LRP1B: variants seen among roughly 807,000 people sequenced by gnomAD.
The protein encoded by LRP1B is LDL receptor related protein 1B, also known as low-density lipoprotein receptor-related protein 1B.
In LRP1B, 217 loss-of-function variants were observed where a neutral mutation model predicts 556.6. The ratio of observed to expected loss-of-function variants is 0.39; its 90% confidence interval spans 0.35 to 0.44. The LOEUF (loss-of-function observed/expected upper bound fraction) is 0.44, where lower values mean the gene tolerates loss of function less well. Among genes scored for constraint, LRP1B ranks in the 20% least tolerant of loss-of-function variants. The probability of loss-of-function intolerance (pLI) is 1.00; values close to 1 mark genes in which losing one functional copy is unlikely to be tolerated. For synonymous variants in LRP1B, 2,047 were observed against 1,865.8 expected (o/e 1.10, Z -2.50); for missense variants, 5,053 against 5,620.8 (o/e 0.90, Z 3.23).
chr2:141,848,396 G>T (rs1191322575), intron 1 of LRP1B, among the ~76,000 whole-genome samples: 1 of 151,262 alleles, frequency 6.6e-6, no homozygotes, highest in East Asian at 1.9e-4. Flanking sequence ...GACCATCTGG[G>T]CATGCTATAT....
chr2:141,260,834 T>C (rs1684655637), intron 3 of LRP1B, among the ~76,000 whole-genome samples: 6 of 152,316 alleles, frequency 3.9e-5, no homozygotes, highest in Admixed American at 3.3e-4. Context: ...TCCATATACA[T>C]AAATTATCTG....
At position 140,595,096 on chromosome 2, in the gene LRP1B, A is replaced by ATC. The variant is rs1558992070; in HGVS notation, c.7194+3534_7194+3535insGA. ...AATAAAATATAAATTGAATATATAT[A>ATC]TATATATATATATATATATATATAT... On this transcript the variant is annotated intron_variant, in intron 43 of 90. Transcript: ENST00000389484. Among the ~76,000 whole-genome samples, 375 of 46,188 alleles carry ATC rather than the reference A, an allele frequency of 8.1e-3. 6 individuals are homozygous for ATC. Among genetic ancestry groups the ATC allele is most frequent in the African/African-American group, 0.033 (322 of 9,664 alleles). The allele number at this position is 46,188 out of a possible 152,430, so 30.3% of individuals were successfully genotyped here.
At chr2:140,562,265 A>T (rs2105080731) in intron 43 of LRP1B, among the ~76,000 whole-genome samples, 1 of 152,294 alleles carries the variant, frequency 6.6e-6, no homozygotes, top group South Asian at 2.1e-4. Context: ...TGAATATTTG[A>T]TAAATTAAGG....
At chr2:140,581,273 C>T (rs1228741031) in intron 43 of LRP1B, among the ~76,000 whole-genome samples, 4 of 152,112 alleles carry the variant, frequency 2.6e-5, no homozygotes. Flanking sequence ...TATTTCTGTT[C>T]AACTAAATTA....
At chr2:141,492,607 G>A (rs906011192) in intron 2 of LRP1B, among the ~76,000 whole-genome samples, 3 of 152,128 alleles carry the variant, frequency 2.0e-5, no homozygotes, top group Non-Finnish European at 4.4e-5. Context: ...AAATAAGGGA[G>A]AGACCTGATT....
chr2:140,342,139 A>G lies in LRP1B; in HGVS notation c.11893-6301T>C, dbSNP rs567703258. Among the ~76,000 whole-genome samples the G allele has an allele frequency of 1.4e-3, 208 of 151,118 alleles. 1 individual carries two copies. The highest frequency in any genetic ancestry group is 2.4e-3 in the Non-Finnish European group (162 of 67,656). Reference sequence around the variant, plus strand: ...TTTGTGAATTCATTTTGCCACATATAATTTATAATTATTCTTTCAACTTTC... The same window carrying G: ...TTTGTGAATTCATTTTGCCACATATGATTTATAATTATTCTTTCAACTTTC... On this transcript the variant is annotated intron_variant, in intron 77 of 90. Coordinates refer to ENST00000389484, the MANE Select transcript of LRP1B (RefSeq NM_018557.3).
intron 2 of LRP1B, among the ~76,000 whole-genome samples, chr2:141,689,193 T>G (rs931125776): frequency 3.9e-5 from 6 of 151,902 alleles, no homozygotes; most frequent in African/African-American, 1.4e-4. Flanking sequence ...TAAAATTAAT[T>G]TGTGTTAATC....
At chr2:141,457,337 AGAC>A (rs1402831982) in intron 3 of LRP1B, among the ~76,000 whole-genome samples, 1 of 152,204 alleles carries the variant, frequency 6.6e-6, no homozygotes, top group Non-Finnish European at 1.5e-5. Context: ...TAACAGGAAC[AGAC>A]GACCAAACAC....
chr2:141,354,776 A>C (rs1559025245), intron 3 of LRP1B, among the ~76,000 whole-genome samples: 1 of 145,770 alleles, frequency 6.9e-6, no homozygotes, highest in Non-Finnish European at 1.5e-5. Context: ...CCCTGCAATT[A>C]TAAAAAAAAA....
At chr2:140,309,546 C>G (rs1684207027) in intron 83 of LRP1B, among the ~76,000 whole-genome samples, 1 of 151,770 alleles carries the variant, frequency 6.6e-6, no homozygotes. Context: ...TCGACAGACT[C>G]TTACCTTTAT....
chr2:142,063,435 T>G (rs1267722679), intron 1 of LRP1B, among the ~76,000 whole-genome samples: 1 of 151,590 alleles, frequency 6.6e-6, no homozygotes, highest in African/African-American at 2.4e-5. Context: ...GCACTGAAAC[T>G]GATGTGAACA....
intron 2 of LRP1B, among the ~76,000 whole-genome samples, chr2:141,509,951 CA>C (rs1352260009): frequency 6.6e-6 from 1 of 151,968 alleles, no homozygotes; most frequent in African/African-American, 2.4e-5. Flanking sequence ...GGATCAGTTT[CA>C]CAAACTATTT....
intron 6 of LRP1B, among the ~76,000 whole-genome samples, chr2:141,202,293 T>C (rs1573644045): frequency 6.6e-6 from 1 of 152,222 alleles, no homozygotes; most frequent in Non-Finnish European, 1.5e-5. Context: ...ATATGTACTA[T>C]ATTTTCCGTA....
intron 49 of LRP1B, 34 bp from the exon 50 acceptor site, chr2:140,517,045 T>C (rs1159484477): frequency 6.7e-7 from 1 of 1,487,456 alleles, no homozygotes; most frequent in African/African-American, 1.4e-5. Flanking sequence ...AACAATTTCA[T>C]TTTAGACTTC....
In LRP1B at chr2:141,988,164, A is replaced by C. The variant is rs139470758; in HGVS notation, c.82+142484T>G. On this transcript the variant is annotated intron_variant, in intron 1 of 90. Transcript: ENST00000389484. ...TGGTATCAGGCATGATATATAATGA[A>C]AATACTGGTCAAACCCTGCTGTTAC... Among the ~76,000 whole-genome samples, 5 of 151,966 alleles carry C rather than the reference A, an allele frequency of 3.3e-5. No homozygotes were observed. The East Asian group carries it at 9.7e-4, about 29-fold the overall frequency.
At chr2:141,436,142 T>C (rs1680756986) in intron 3 of LRP1B, among the ~76,000 whole-genome samples, 1 of 152,196 alleles carries the variant, frequency 6.6e-6, no homozygotes, top group Non-Finnish European at 1.5e-5. Flanking sequence ...TTGGCAAAAA[T>C]TGTATACATT....
chr2:141,050,289 A>G (rs1698997977), intron 10 of LRP1B, among the ~76,000 whole-genome samples: 1 of 151,944 alleles, frequency 6.6e-6, no homozygotes, highest in African/African-American at 2.4e-5. Flanking sequence ...TTTTTAAATT[A>G]GGGTAATTGA....
intron 20 of LRP1B, among the ~76,000 whole-genome samples, chr2:140,932,221 A>G (rs1161921942): frequency 6.6e-6 from 1 of 152,078 alleles, no homozygotes; most frequent in East Asian, 1.9e-4. Context: ...CCTTTGTCCA[A>G]TGAATTTGAT....
intron 11 of LRP1B, among the ~76,000 whole-genome samples, chr2:141,037,402 C>T (rs1698564657): frequency 6.6e-6 from 1 of 152,090 alleles, no homozygotes; most frequent in Non-Finnish European, 1.5e-5. Flanking sequence ...ATACTTTTCA[C>T]CTCAACTCTA....
Sources: gnomAD v4.1 joint callset for allele counts (sites outside exome capture counted in the v4.1 genomes callset) on GRCh38, gnomAD v4.1.1 for gene constraint, MANE v1.5 for transcripts, NCBI Gene and HGNC (gene_info 2026-07-23, HGNC 2026-07-21) for gene names.